Variants in CCDC178 observed in about 807,000 individuals in gnomAD.
The protein encoded by CCDC178 is coiled-coil domain containing 178, also known as coiled-coil domain-containing protein 178.
CCDC178 carries 126 observed loss-of-function variants against 117.4 expected under a neutral mutation model. The observed-to-expected ratio is 1.07, with a 90% CI of 0.93 to 1.24. The LOEUF (loss-of-function observed/expected upper bound fraction) is 1.24, where lower values mean the gene tolerates loss of function less well. Among genes scored for constraint, CCDC178 ranks in the 50% most tolerant of loss-of-function variants. The pLI, the probability that CCDC178 is intolerant of heterozygous loss-of-function variation, is 0.00. For missense variants in CCDC178, 1,030 were observed against 986.9 expected (o/e 1.04, Z -0.59); for synonymous variants, 283 against 313.4 (o/e 0.90, Z 1.02).
chr18:33,307,367 C>T (rs2062270057), intron 11 of CCDC178, among the ~76,000 whole-genome samples: 1 of 152,134 alleles, frequency 6.6e-6, no homozygotes, highest in Non-Finnish European at 1.5e-5. Context: ...GTTACTCTTG[C>T]TATGCAAAGA....
At chr18:32,964,810 T>A (rs1044763734) in intron 22 of CCDC178, among the ~76,000 whole-genome samples, 6 of 151,984 alleles carry the variant, frequency 3.9e-5, no homozygotes, top group Admixed American at 2.0e-4. Flanking sequence ...AGAGATTTTT[T>A]AAAAAAGTTT....
intron 15 of CCDC178, among the ~76,000 whole-genome samples, chr18:33,238,506 T>TA (rs966762841): frequency 6.0e-5 from 9 of 150,928 alleles, no homozygotes; most frequent in African/African-American, 1.7e-4. Context: ...GTAAATGAAA[T>TA]AAAAAAAATA....
chr18:33,250,358 TA>T (rs1322776208), intron 14 of CCDC178, among the ~76,000 whole-genome samples: 2 of 151,750 alleles, frequency 1.3e-5, no homozygotes, highest in African/African-American at 4.8e-5. Flanking sequence ...TAGAATTATC[TA>T]AACATGTTTT....
intron 11 of CCDC178, among the ~76,000 whole-genome samples, chr18:33,316,126 G>T (rs543097158): frequency 5.3e-5 from 8 of 152,312 alleles, no homozygotes; most frequent in African/African-American, 1.9e-4. Flanking sequence ...CCACTCTGGC[G>T]GAGCTTGAGG....
At chr18:33,014,567 G>GT (rs1369890676) in intron 21 of CCDC178, among the ~76,000 whole-genome samples, 1 of 152,152 alleles carries the variant, frequency 6.6e-6, no homozygotes, top group Non-Finnish European at 1.5e-5. Flanking sequence ...TCTTACTGCT[G>GT]TTTTTTCTAG....
At chr18:33,396,356 TA>T (rs2063637019) in intron 4 of CCDC178, among the ~76,000 whole-genome samples, 1 of 152,132 alleles carries the variant, frequency 6.6e-6, no homozygotes, top group South Asian at 2.1e-4. Context: ...TATGTCACTG[TA>T]AATTCATGTA....
At chr18:33,090,103 A>G (rs1319201945) in intron 21 of CCDC178, among the ~76,000 whole-genome samples, 1 of 152,182 alleles carries the variant, frequency 6.6e-6, no homozygotes, top group East Asian at 1.9e-4. Flanking sequence ...ACAAAATATT[A>G]ACAGTAAGAG....
chr18:32,961,622 T>G (rs1405749918), intron 22 of CCDC178, among the ~76,000 whole-genome samples: 1 of 152,150 alleles, frequency 6.6e-6, no homozygotes, highest in East Asian at 1.9e-4. Flanking sequence ...AGTTTTGGGA[T>G]GAAACTGTTC....
intron 20 of CCDC178, among the ~76,000 whole-genome samples, chr18:33,178,946 G>A (rs1021701908): frequency 2.7e-5 from 4 of 147,822 alleles, no homozygotes; most frequent in South Asian, 2.1e-4. Flanking sequence ...CAATGCAGTC[G>A]GCATCATAGT....
At chr18:33,055,474 C>T (rs1027925510) in intron 21 of CCDC178, among the ~76,000 whole-genome samples, 7 of 151,718 alleles carry the variant, frequency 4.6e-5, no homozygotes, top group Non-Finnish European at 1.0e-4. Flanking sequence ...GTAGCTGGGA[C>T]AGCAGGTGCA....
intron 20 of CCDC178, among the ~76,000 whole-genome samples, chr18:33,096,120 C>A (rs960463313): frequency 1.3e-5 from 2 of 150,516 alleles, no homozygotes; most frequent in Non-Finnish European, 3.0e-5. Context: ...CTCCCCACCC[C>A]CCCCACTTGA....
chr18:33,280,546 G>A (rs1035551724), intron 12 of CCDC178, among the ~76,000 whole-genome samples: 13 of 151,512 alleles, frequency 8.6e-5, no homozygotes, highest in African/African-American at 2.9e-4. Context: ...TCAGTGTGGC[G>A]ATTCCTCAGG....
intron 2 of CCDC178, among the ~76,000 whole-genome samples, chr18:33,431,191 C>CTTTTT (rs35139388): frequency 8.5e-6 from 1 of 117,252 alleles, no homozygotes; most frequent in Non-Finnish European, 1.7e-5. Context: ...AATGATTTAA[C>CTTTTT]TTTTTTTTTT....
chr18:33,161,784 T>C (rs2058467490), intron 20 of CCDC178, among the ~76,000 whole-genome samples: 1 of 152,332 alleles, frequency 6.6e-6, no homozygotes, highest in South Asian at 2.1e-4. Flanking sequence ...TTCCATGGTG[T>C]ATATGTGCCA....
chr18:33,090,668 T>A (rs989059021), intron 21 of CCDC178, among the ~76,000 whole-genome samples: 4 of 152,190 alleles, frequency 2.6e-5, no homozygotes, highest in African/African-American at 9.6e-5. Flanking sequence ...TGCAGCAAAT[T>A]GATCCTACAT....
chr18:33,224,867 A>G lies in CCDC178; in HGVS notation c.1726T>C (p.Cys576Arg), dbSNP rs2059283654. The G allele has an allele frequency of 1.3e-6, 2 of 1,582,322 alleles. No individual in the cohort carries two copies. Among genetic ancestry groups the G allele is most frequent in the Non-Finnish European group, 8.6e-7 (1 of 1,163,168 alleles). Residue 576 changes from cysteine (C) to arginine (R), a missense_variant, in exon 17 of 23, where the codon TGT becomes CGT. By Grantham distance (180) the Cys-to-Arg change is radical. Coordinates refer to ENST00000383096, the MANE Select transcript of CCDC178 (RefSeq NM_001105528.4). ...RKELIKNRAI[C>R]AMSLAELQEP... ...TGTAGTTCTGCCAGTGACATGGCAC[A>G]TATTGCTCTATTTTTTATAAGCTCT...
At chr18:33,413,364 T>C (rs2063886209) in intron 2 of CCDC178, among the ~76,000 whole-genome samples, 1 of 152,114 alleles carries the variant, frequency 6.6e-6, no homozygotes, top group South Asian at 2.1e-4. Context: ...TAACTAAATG[T>C]TGAGAGAACA....
intron 2 of CCDC178, among the ~76,000 whole-genome samples, chr18:33,421,344 A>G (rs1279280030): frequency 1.3e-5 from 2 of 152,168 alleles, no homozygotes; most frequent in South Asian, 2.1e-4. Flanking sequence ...CCTTCCTGCA[A>G]CCCTCAGGCT....
At chr18:33,116,847 T>C (rs911659661) in intron 20 of CCDC178, among the ~76,000 whole-genome samples, 2 of 117,292 alleles carry the variant, frequency 1.7e-5, no homozygotes, top group Non-Finnish European at 3.4e-5. Context: ...CAGGGTCCTA[T>C]ATTATATGCA....
Sources: allele counts gnomAD v4.1 joint callset (sites outside exome capture counted in the v4.1 genomes callset), GRCh38; gene constraint gnomAD v4.1.1; transcripts MANE v1.5; gene names NCBI Gene and HGNC (gene_info 2026-07-23, HGNC 2026-07-21).